Variants in PCDH10 observed in about 807,000 individuals in gnomAD.
PCDH10 encodes the protein protocadherin-10.
PCDH10 carries 15 observed loss-of-function variants against 74.4 expected under a neutral mutation model. The observed-to-expected ratio is 0.20, with a 90% CI of 0.13 to 0.31. The LOEUF (loss-of-function observed/expected upper bound fraction) is 0.31, where lower values mean the gene tolerates loss of function less well. Among genes scored for constraint, PCDH10 ranks in the 10% least tolerant of loss-of-function variants. The pLI is 1.00. For synonymous variants in PCDH10, 619 were observed against 589.8 expected (o/e 1.05, Z -0.72); for missense variants, 1,260 against 1,390.2 (o/e 0.91, Z 1.49).
intron 4 of PCDH10, among the ~76,000 whole-genome samples, chr4:133,171,423 T>A: frequency 6.6e-6 from 1 of 152,112 alleles, no homozygotes; most frequent in East Asian, 1.9e-4. Flanking sequence ...CAATATTAAA[T>A]ACATATTTTC....
intron 3 of PCDH10, among the ~76,000 whole-genome samples, chr4:133,161,922 A>G (rs1578563129): frequency 6.6e-6 from 1 of 151,972 alleles, no homozygotes; most frequent in Non-Finnish European, 1.5e-5. Context: ...TTAAAATGCT[A>G]TTTTTGTTTA....
At position 133,192,986 on chromosome 4, in the gene PCDH10, G is replaced by A. The variant is rs982699642; in HGVS notation, c.*2826G>A. 2.3e-4 allele frequency: 34 copies of A among 150,548 alleles called. No individual in the cohort carries two copies. The highest frequency in any genetic ancestry group is 6.4e-4 in the African/African-American group (26 of 40,824). 9.3% of individuals were successfully genotyped at this position (150,548 alleles called of 1,614,324 possible). A position where few individuals can be genotyped will look rare whatever the true frequency, so the allele number is the denominator to read the frequency against. On this transcript the variant is annotated 3_prime_UTR_variant, in exon 5 of 5. Transcript: ENST00000264360. ...TATACATCAAAGAATAATATCCATCGTATTAGACAGTATTTCGTCAATAAA... is the reference window on the plus strand; with the variant it reads ...TATACATCAAAGAATAATATCCATCATATTAGACAGTATTTCGTCAATAAA...
At chr4:133,185,982 T>C (rs1400069608) in intron 4 of PCDH10, among the ~76,000 whole-genome samples, 1 of 152,154 alleles carries the variant, frequency 6.6e-6, no homozygotes, top group African/African-American at 2.4e-5. Flanking sequence ...TTACAATTAT[T>C]TCTGCAACAT....
Position 133,151,007 on chromosome 4 carries a change from C to T in PCDH10, c.867C>T (p.Phe289=). ...EGQNGEVVYS[F]SSHISPRARE... is the part of the protein sequence containing the mutation. ...AGAACGGTGAGGTCGTGTACTCCTT[C>T]AGCAGCCACATTTCGCCCCGGGCGC... The change falls in exon 1 of 5, where the codon TTC becomes TTT. Residue 289 remains phenylalanine, a synonymous_variant. Transcript: ENST00000264360. The T allele has an allele frequency of 1.9e-6, 3 of 1,613,920 alleles. No homozygotes were observed. The highest frequency in any genetic ancestry group is 2.5e-6 in the Non-Finnish European group (3 of 1,180,044).
chr4:133,164,997 C>T (rs1350021294), intron 4 of PCDH10, among the ~76,000 whole-genome samples: 1 of 146,904 alleles, frequency 6.8e-6, no homozygotes, highest in Admixed American at 6.9e-5. Context: ...CATATATATA[C>T]ACATATATTC....
chr4:133,162,525 T>G (rs1490747335), intron 3 of PCDH10, among the ~76,000 whole-genome samples: 1 of 152,208 alleles, frequency 6.6e-6, no homozygotes. Context: ...GCATATTTCT[T>G]ATGTTATTTG....
chr4:133,165,709 T>C (rs568929421), intron 4 of PCDH10, among the ~76,000 whole-genome samples: 1 of 151,936 alleles, frequency 6.6e-6, no homozygotes, highest in Non-Finnish European at 1.5e-5. Context: ...TATTTAGTTA[T>C]GTTTTTGTAA....
intron 4 of PCDH10, among the ~76,000 whole-genome samples, chr4:133,171,671 G>A (rs1441263568): frequency 2.0e-5 from 3 of 152,154 alleles, no homozygotes; most frequent in Non-Finnish European, 4.4e-5. Context: ...GTAGGAATAA[G>A]TCTATAGATA....
chr4:133,202,561 T>C (rs1412734733), intron 2 of PCDH10, among the ~76,000 whole-genome samples: 1 of 152,176 alleles, frequency 6.6e-6, no homozygotes, highest in Non-Finnish European at 1.5e-5. Context: ...GCCTTGATTT[T>C]TATATTGTGT....
At chr4:133,168,985 C>A (rs1280293688) in intron 4 of PCDH10, among the ~76,000 whole-genome samples, 1 of 151,624 alleles carries the variant, frequency 6.6e-6, no homozygotes, top group African/African-American at 2.4e-5. Context: ...CCAACTAGGG[C>A]GTTTGTGTAA....
intron 3 of PCDH10, among the ~76,000 whole-genome samples, chr4:133,161,025 C>T (rs1726958981): frequency 6.6e-6 from 1 of 151,978 alleles, no homozygotes; most frequent in Non-Finnish European, 1.5e-5. Context: ...TTCTAGTTCC[C>T]TTTCTTTTTT....
At chr4:133,168,929 A>G (rs974108587) in intron 4 of PCDH10, among the ~76,000 whole-genome samples, 4 of 151,768 alleles carry the variant, frequency 2.6e-5, no homozygotes, top group South Asian at 2.1e-4. Context: ...ACAGATTTTT[A>G]CATAGGGAAG....
intron 4 of PCDH10, among the ~76,000 whole-genome samples, chr4:133,165,392 T>A (rs1727057669): frequency 6.6e-6 from 1 of 151,420 alleles, no homozygotes; most frequent in Non-Finnish European, 1.5e-5. Flanking sequence ...GACTTAATAA[T>A]CATAAAAAAT....
At chr4:133,180,181 T>C (rs1309043207) in intron 4 of PCDH10, among the ~76,000 whole-genome samples, 1 of 152,080 alleles carries the variant, frequency 6.6e-6, no homozygotes, top group African/African-American at 2.4e-5. Context: ...CACTAAGCTA[T>C]TTTCTTTTCA....
At chr4:133,171,125 ATGT>A (rs1727193512) in intron 4 of PCDH10, among the ~76,000 whole-genome samples, 1 of 152,032 alleles carries the variant, frequency 6.6e-6, no homozygotes, top group African/African-American at 2.4e-5. Flanking sequence ...GCTAGTAAAA[ATGT>A]TGTAGTCAGT....
At chr4:133,187,071 A>G (rs1357120265) in intron 4 of PCDH10, among the ~76,000 whole-genome samples, 2 of 152,150 alleles carry the variant, frequency 1.3e-5, no homozygotes, top group Non-Finnish European at 2.9e-5. Context: ...TTTGAAATAA[A>G]GCGGATGTGA....
downstream of PCDH10, among the ~76,000 whole-genome samples, chr4:133,196,999 A>G (rs1727808287): frequency 6.6e-6 from 1 of 152,202 alleles, no homozygotes; most frequent in Non-Finnish European, 1.5e-5. Context: ...GCAAATTTCA[A>G]AACCTCAAGA....
chr4:133,170,927 C>T (rs1560710461), intron 4 of PCDH10, among the ~76,000 whole-genome samples: 1 of 151,910 alleles, frequency 6.6e-6, no homozygotes, highest in Non-Finnish European at 1.5e-5. Context: ...CTCCTGGCCT[C>T]GGCCTCCCAA....
chr4:133,183,991 T>G (rs1727473989), intron 4 of PCDH10, among the ~76,000 whole-genome samples: 1 of 152,118 alleles, frequency 6.6e-6, no homozygotes, highest in Non-Finnish European at 1.5e-5. Context: ...AATTTTAATT[T>G]AATAACTATT....
Sources: gnomAD v4.1 joint callset for allele counts (sites outside exome capture counted in the v4.1 genomes callset) on GRCh38, gnomAD v4.1.1 for gene constraint, MANE v1.5 for transcripts, NCBI Gene and HGNC (gene_info 2026-07-23, HGNC 2026-07-21) for gene names.